The following TAFA2 variants were observed in gnomAD, a reference collection of about 807,000 sequenced individuals.
TAFA2 encodes chemokine-like protein TAFA-2.
TAFA2 carries 7 observed loss-of-function variants against 18.8 expected under a neutral mutation model. That is an observed-to-expected ratio of 0.37 (90% CI 0.21 to 0.70). The LOEUF is 0.70. Among genes scored for constraint, TAFA2 ranks in the 30% least tolerant of loss-of-function variants. The pLI is 0.53. For synonymous variants in TAFA2, 60 were observed against 54.2 expected, an observed-to-expected ratio of 1.11 and a Z score of -0.47; for missense variants, 122 against 158.1, an observed-to-expected ratio of 0.77 and a Z score of 1.23.
At chr12:61,878,609 A>AATAGATGGAAGAAACACTACAT (rs1308298010) in intron 1 of TAFA2, among the ~76,000 whole-genome samples, 12 of 152,198 alleles carry the variant, frequency 7.9e-5, no homozygotes, top group African/African-American at 2.9e-4. Context: ...TGAATAAATA[A>AATAGATGGAAGAAACACTACAT]ATAGATGGAA....
At chr12:61,753,997 T>C (rs1260838872) in intron 3 of TAFA2, among the ~76,000 whole-genome samples, 1 of 152,116 alleles carries the variant, frequency 6.6e-6, no homozygotes, top group Non-Finnish European at 1.5e-5. Flanking sequence ...CTTAATAAAA[T>C]TGTAAGTGTA....
intron 4 of TAFA2, among the ~76,000 whole-genome samples, chr12:61,734,455 G>T (rs1868270712): frequency 6.6e-6 from 1 of 151,196 alleles, no homozygotes; most frequent in Non-Finnish European, 1.5e-5. Flanking sequence ...CATGGCACAT[G>T]TATACATATG....
chr12:61,730,530 G>A (rs1229590772), intron 4 of TAFA2, among the ~76,000 whole-genome samples: 1 of 152,054 alleles, frequency 6.6e-6, no homozygotes, highest in Non-Finnish European at 1.5e-5. Context: ...AGACCATCAA[G>A]TGGGTGCAGG....
At chr12:61,710,476 T>G in intron 4 of TAFA2, 59 bp from the exon 5 acceptor site, 2 of 1,382,568 alleles carry the variant, frequency 1.4e-6, no homozygotes, top group East Asian at 4.6e-5. Flanking sequence ...ATCTTAAAAC[T>G]AAACACAATT....
At chr12:61,960,582 C>G (rs1288068262) in intron 1 of TAFA2, among the ~76,000 whole-genome samples, 2 of 151,964 alleles carry the variant, frequency 1.3e-5, no homozygotes, top group Non-Finnish European at 2.9e-5. Flanking sequence ...AGTGATTATT[C>G]AACTACAATT....
At chr12:62,143,694 A>T (rs941913782) in intron 1 of TAFA2, among the ~76,000 whole-genome samples, 1 of 151,840 alleles carries the variant, frequency 6.6e-6, no homozygotes, top group African/African-American at 2.4e-5. Context: ...TTATTAACCA[A>T]ATCTCTTCTT....
chr12:61,765,496 G>C (rs1008537963), intron 2 of TAFA2, among the ~76,000 whole-genome samples: 1 of 152,100 alleles, frequency 6.6e-6, no homozygotes, highest in African/African-American at 2.4e-5. Flanking sequence ...AATGGACTTA[G>C]GAAGGAGTTG....
intron 1 of TAFA2, among the ~76,000 whole-genome samples, chr12:62,225,487 A>T (rs1046460236): frequency 4.6e-5 from 7 of 152,228 alleles, no homozygotes; most frequent in African/African-American, 1.7e-4. Flanking sequence ...CTGAAAAGCC[A>T]TAAAAGAAAG....
At chr12:62,072,970 C>A (rs1378650536) in intron 1 of TAFA2, among the ~76,000 whole-genome samples, 1 of 152,192 alleles carries the variant, frequency 6.6e-6, no homozygotes, top group Non-Finnish European at 1.5e-5. Context: ...GGAAGCCCAT[C>A]AACCTAAAAA....
chr12:61,813,570 C>G (rs1482585049), intron 2 of TAFA2, among the ~76,000 whole-genome samples: 1 of 151,134 alleles, frequency 6.6e-6, no homozygotes, highest in Non-Finnish European at 1.5e-5. Context: ...GAATATTAGC[C>G]TGCAATTTGT....
intron 1 of TAFA2, among the ~76,000 whole-genome samples, chr12:61,953,343 A>G (rs10784276): frequency 1.3e-5 from 2 of 151,954 alleles, no homozygotes; most frequent in African/African-American, 4.8e-5. Context: ...AATACAAAAG[A>G]TACTAATCCA....
intron 1 of TAFA2, among the ~76,000 whole-genome samples, chr12:61,941,617 A>G (rs1878020086): frequency 6.6e-6 from 1 of 152,228 alleles, no homozygotes; most frequent in South Asian, 2.1e-4. Context: ...GAGCCGAAGC[A>G]GGGCGAGGCA....
intron 1 of TAFA2, among the ~76,000 whole-genome samples, chr12:62,005,167 G>C (rs1410307313): frequency 3.3e-5 from 5 of 152,098 alleles, no homozygotes; most frequent in African/African-American, 1.2e-4. Context: ...TTTGCTAGAA[G>C]AGTAGAGTTT....
intron 2 of TAFA2, among the ~76,000 whole-genome samples, chr12:61,793,531 C>T (rs541970968): frequency 6.6e-6 from 1 of 151,734 alleles, no homozygotes; most frequent in South Asian, 2.1e-4. Context: ...ACATAAACTA[C>T]TAAACCTCAC....
chr12:61,864,294 C>T (rs1874248217), intron 2 of TAFA2, among the ~76,000 whole-genome samples: 1 of 150,450 alleles, frequency 6.6e-6, no homozygotes, highest in African/African-American at 2.4e-5. Context: ...AGGAGGAAAA[C>T]ATAAAATTGC....
At position 61,754,903 on chromosome 12, in the gene TAFA2, G is replaced by A. The variant is rs1003876296; in HGVS notation, c.228C>T (p.Gly76=). Residue 76 remains glycine, a synonymous_variant, in exon 3 of 5, where the codon GGC becomes GGT. Transcript: ENST00000416284. ...KCSCFPGQVA[G]TTRAAPSCVD... is the part of the protein sequence containing the mutation. ...CACATGATGGAGCAGCTCGCGTGGT[G>A]CCTGCCACCTGCCCAGGGAAGCAGG... is the stretch of plus-strand genomic sequence containing the variant. 6.2e-7 allele frequency: 1 copy of A among 1,612,880 alleles called. No individual in the cohort carries two copies. The highest frequency in any genetic ancestry group is 8.5e-7 in the Non-Finnish European group (1 of 1,179,354).
intron 1 of TAFA2, among the ~76,000 whole-genome samples, chr12:62,174,701 A>G (rs886954335): frequency 1.3e-5 from 2 of 152,210 alleles, no homozygotes; most frequent in African/African-American, 4.8e-5. Flanking sequence ...CACTTTTATG[A>G]ACACTCCCAG....
chr12:62,128,632 C>CTCT (rs1870560628), intron 1 of TAFA2, among the ~76,000 whole-genome samples: 1 of 152,056 alleles, frequency 6.6e-6, no homozygotes, highest in African/African-American at 2.4e-5. Flanking sequence ...TCCCTGACAT[C>CTCT]TCTTTCCATA....
chr12:62,058,506 C>G (rs1285284733), intron 1 of TAFA2, among the ~76,000 whole-genome samples: 1 of 152,190 alleles, frequency 6.6e-6, no homozygotes, highest in African/African-American at 2.4e-5. Flanking sequence ...CTGAGTCCTT[C>G]CCTCAGAGGT....
Sources: gnomAD v4.1 joint callset for allele counts (sites outside exome capture counted in the v4.1 genomes callset) on GRCh38, gnomAD v4.1.1 for gene constraint, MANE v1.5 for transcripts, NCBI Gene and HGNC (gene_info 2026-07-23, HGNC 2026-07-21) for gene names.